Variants in ROBO2 observed in about 807,000 individuals in gnomAD.
ROBO2 encodes the protein roundabout homolog 2.
In ROBO2, 53 loss-of-function variants were observed where a neutral mutation model predicts 160.8. That is an observed-to-expected ratio of 0.33 (90% CI 0.26 to 0.41). The LOEUF is 0.41. Ranked by LOEUF, ROBO2 falls within the 10% of genes least tolerant of loss-of-function variation. The pLI is 1.00. For synonymous variants in ROBO2, 664 were observed against 611.7 expected (o/e 1.09, Z -1.26); for missense variants, 1,577 against 1,722.4 (o/e 0.92, Z 1.49).
At chr3:77,311,458 A>T (rs1283628223) in intron 2 of ROBO2, among the ~76,000 whole-genome samples, 1 of 152,162 alleles carries the variant, frequency 6.6e-6, no homozygotes, top group African/African-American at 2.4e-5. Context: ...TTTGCTCTTA[A>T]CTCATCTAAG....
intron 2 of ROBO2, among the ~76,000 whole-genome samples, chr3:77,167,501 C>T: frequency 1.3e-5 from 2 of 152,214 alleles, no homozygotes; most frequent in East Asian, 3.9e-4. Context: ...TACTTGGGAA[C>T]TTTTTTTCCT....
In ROBO2 at chr3:76,697,452, T is replaced by C. The variant is rs1256144754; in HGVS notation, c.110-400562T>C. On this transcript the variant is annotated intron_variant, in intron 2 of 26. Coordinates refer to the ROBO2 transcript ENST00000487694. ...TGAGTCCAGGAATTGAAGACCAGCA[T>C]GGGAAACATGGCAAAACCCTTTCTG... Among the ~76,000 whole-genome samples, 3 of 152,012 alleles carry C rather than the reference T, an allele frequency of 2.0e-5. No individual in the cohort carries two copies. In the South Asian group the frequency reaches 6.2e-4, roughly 32 times the overall value.
intron 2 of ROBO2, among the ~76,000 whole-genome samples, chr3:76,311,592 A>G (rs1248920118): frequency 1.3e-5 from 2 of 152,236 alleles, no homozygotes; most frequent in Non-Finnish European, 2.9e-5. Context: ...TGTTATTGAT[A>G]TCAATATATT....
intron 2 of ROBO2, among the ~76,000 whole-genome samples, chr3:76,349,896 A>C (rs2074768715): frequency 6.6e-6 from 1 of 152,084 alleles, no homozygotes. Flanking sequence ...CTGGACAATA[A>C]GCATGCCCGC....
intron 2 of ROBO2, among the ~76,000 whole-genome samples, chr3:76,059,345 A>G (rs2067982102): frequency 6.6e-6 from 1 of 151,998 alleles, no homozygotes. Flanking sequence ...TGCCATTCTA[A>G]CTGGTGTGAG....
intron 2 of ROBO2, among the ~76,000 whole-genome samples, chr3:76,066,443 AACC>A (rs1435937860): frequency 1.3e-5 from 2 of 152,142 alleles, no homozygotes; most frequent in Admixed American, 6.6e-5. Flanking sequence ...TAAATTATGA[AACC>A]AAATATTTTT....
At chr3:77,077,642 C>G (rs1490784616) in intron 1 of ROBO2, among the ~76,000 whole-genome samples, 1 of 152,214 alleles carries the variant, frequency 6.6e-6, no homozygotes, top group Non-Finnish European at 1.5e-5. Flanking sequence ...CAACTGGACT[C>G]TCCAGTCTTG....
At chr3:76,746,207 C>T (rs2093888928) in intron 2 of ROBO2, among the ~76,000 whole-genome samples, 1 of 151,886 alleles carries the variant, frequency 6.6e-6, no homozygotes, top group African/African-American at 2.4e-5. Context: ...TGTATATGTG[C>T]CACATTTTCT....
chr3:76,706,683 A>G (rs962804761), intron 2 of ROBO2, among the ~76,000 whole-genome samples: 2 of 152,178 alleles, frequency 1.3e-5, no homozygotes, highest in African/African-American at 4.8e-5. Flanking sequence ...TTTTATTCTT[A>G]TTTGGAAACA....
At chr3:76,441,529 A>G (rs2076926096) in intron 2 of ROBO2, among the ~76,000 whole-genome samples, 1 of 152,156 alleles carries the variant, frequency 6.6e-6, no homozygotes, top group African/African-American at 2.4e-5. Context: ...CAGATTGACA[A>G]CCCATGAGTT....
At chr3:76,333,355 C>A (rs1402600489) in intron 2 of ROBO2, among the ~76,000 whole-genome samples, 1 of 152,096 alleles carries the variant, frequency 6.6e-6, no homozygotes, top group Non-Finnish European at 1.5e-5. Context: ...GTGTACGCAG[C>A]GTAAAGTCAT....
At chr3:76,039,372 A>G (rs2067212476) in intron 2 of ROBO2, among the ~76,000 whole-genome samples, 1 of 151,988 alleles carries the variant, frequency 6.6e-6, no homozygotes, top group Admixed American at 6.5e-5. Context: ...GACAGTAAGG[A>G]CAATGAATTT....
chr3:77,522,595 G>T, intron 5 of ROBO2, among the ~76,000 whole-genome samples, 180 bp from the exon 6 acceptor site: 1 of 151,264 alleles, frequency 6.6e-6, no homozygotes, highest in South Asian at 2.1e-4. Context: ...GATCAGATAT[G>T]AAATTGAATT....
chr3:77,410,687 T>TTCCTCCTCCTCTTCCTCC (rs1560758577), intron 2 of ROBO2, among the ~76,000 whole-genome samples: 20 of 72,240 alleles, frequency 2.8e-4, no homozygotes, highest in South Asian at 5.3e-4. Context: ...CCTCCTCCTC[T>TTCCTCCTCCTCTTCCTCC]TCCTCCTCCT....
At chr3:76,757,301 C>A (rs888814982) in intron 2 of ROBO2, among the ~76,000 whole-genome samples, 3 of 151,794 alleles carry the variant, frequency 2.0e-5, no homozygotes, top group Non-Finnish European at 4.4e-5. Flanking sequence ...AATGCAATTA[C>A]ATGATACCCA....
At chr3:76,920,407 G>A (rs978682712) in intron 2 of ROBO2, among the ~76,000 whole-genome samples, 5 of 152,138 alleles carry the variant, frequency 3.3e-5, no homozygotes, top group African/African-American at 1.2e-4. Context: ...TTGACACTTA[G>A]GGGTCAGCAG....
intron 21 of ROBO2, among the ~76,000 whole-genome samples, chr3:77,616,882 A>T (rs2094791746): frequency 6.6e-6 from 1 of 152,188 alleles, no homozygotes; most frequent in African/African-American, 2.4e-5. Flanking sequence ...TTTTTACTAC[A>T]ATAAAAGTAT....
chr3:76,252,717 C>T (rs1348744397), intron 2 of ROBO2, among the ~76,000 whole-genome samples: 1 of 151,234 alleles, frequency 6.6e-6, no homozygotes, highest in Non-Finnish European at 1.5e-5. Context: ...TATATACACA[C>T]ACTCACATAT....
At chr3:77,057,849 G>T (rs1459146233) in intron 1 of ROBO2, among the ~76,000 whole-genome samples, 1 of 152,042 alleles carries the variant, frequency 6.6e-6, no homozygotes, top group Non-Finnish European at 1.5e-5. Context: ...GATTACAGGC[G>T]TGAGCCACCG....
Sources: allele counts gnomAD v4.1 joint callset (sites outside exome capture counted in the v4.1 genomes callset), GRCh38; gene constraint gnomAD v4.1.1; transcripts MANE v1.5; gene names NCBI Gene and HGNC (gene_info 2026-07-23, HGNC 2026-07-21).